Variants in LRRC4C observed in about 807,000 individuals in gnomAD.
The protein encoded by LRRC4C is leucine-rich repeat-containing protein 4C.
Under a neutral mutation model 33.6 loss-of-function variants are expected in LRRC4C, and 5 were observed. The ratio of observed to expected loss-of-function variants is 0.15; its 90% CI spans 0.08 to 0.31. LRRC4C has a LOEUF of 0.31. LRRC4C is among the 10% of genes least tolerant of loss of function. The pLI, the probability that LRRC4C is intolerant of heterozygous loss-of-function variation, is 1.00. For synonymous variants in LRRC4C, 329 were observed against 302.0 expected, an observed-to-expected ratio of 1.09 and a Z score of -0.93; for missense variants, 560 against 796.7, an observed-to-expected ratio of 0.70 and a Z score of 3.58.
chr11:40,177,600 T>C (rs1264735301), intron 5 of LRRC4C, among the ~76,000 whole-genome samples: 1 of 152,184 alleles, frequency 6.6e-6, no homozygotes, highest in Non-Finnish European at 1.5e-5. Context: ...GTCTCGTCTC[T>C]TTCTGACCTT....
rs11419487 is a variant in LRRC4C, at chr11:41,443,781, A to ATTT, written c.-496+15647_-496+15649dup. On this transcript the variant is annotated intron_variant, in intron 1 of 6. Transcript: ENST00000528697. ...CAGGTGCCCACCACCACACCTAGCT[A>ATTT]TTTTTTTTTTTTTTTTTTTTTAGCA... Among the ~76,000 whole-genome samples, 43 of 115,128 alleles carry ATTT rather than the reference A, an allele frequency of 3.7e-4. 1 individual carries two copies. Among genetic ancestry groups the ATTT allele is most frequent in the African/African-American group, 8.3e-4 (25 of 30,008 alleles). The allele number at this position is 115,128 out of a possible 152,430, so 75.5% of individuals were successfully genotyped here.
chr11:41,269,440 G>A (rs1459505927), intron 1 of LRRC4C, among the ~76,000 whole-genome samples: 2 of 151,960 alleles, frequency 1.3e-5, no homozygotes, highest in African/African-American at 4.8e-5. Flanking sequence ...AAAAAGGACA[G>A]AGAGAGAGAA....
chr11:40,181,214 T>C (rs1860972756), intron 5 of LRRC4C, among the ~76,000 whole-genome samples: 2 of 152,198 alleles, frequency 1.3e-5, no homozygotes, highest in Non-Finnish European at 2.9e-5. Context: ...CATCTCTCCA[T>C]GTCTCCCTCC....
At chr11:41,049,963 C>T (rs6485245) in intron 1 of LRRC4C, among the ~76,000 whole-genome samples, 53,354 of 152,000 alleles carry the variant, frequency 0.35, 10,610 homozygotes, top group South Asian at 0.45. Flanking sequence ...TCCAATGACT[C>T]ATAAGAGCAT....
chr11:40,354,685 T>C (rs1441445974), intron 3 of LRRC4C, among the ~76,000 whole-genome samples: 2 of 152,126 alleles, frequency 1.3e-5, no homozygotes, highest in Non-Finnish European at 2.9e-5. Context: ...GGCTCTTTAA[T>C]CAGCTTGTCA....
intron 4 of LRRC4C, among the ~76,000 whole-genome samples, chr11:40,307,015 TA>T (rs112698734): frequency 1.8e-5 from 2 of 113,660 alleles, no homozygotes; most frequent in Admixed American, 1.9e-4. Flanking sequence ...TCTATCTATC[TA>T]ATATCTATCT....
At chr11:40,726,183 C>G (rs550859645) in intron 2 of LRRC4C, among the ~76,000 whole-genome samples, 1 of 150,672 alleles carries the variant, frequency 6.6e-6, no homozygotes, top group South Asian at 2.1e-4. Context: ...AAAAAAAATT[C>G]CTGGACCATG....
At chr11:40,875,380 A>C (rs2135971077) in intron 2 of LRRC4C, among the ~76,000 whole-genome samples, 1 of 152,306 alleles carries the variant, frequency 6.6e-6, no homozygotes, top group Non-Finnish European at 1.5e-5. Flanking sequence ...ATGTTGTAAT[A>C]ATCTTTTCAG....
At chr11:41,208,133 C>A (rs1344939385) in intron 1 of LRRC4C, among the ~76,000 whole-genome samples, 1 of 152,010 alleles carries the variant, frequency 6.6e-6, no homozygotes, top group Non-Finnish European at 1.5e-5. Flanking sequence ...TCTGGGAGGT[C>A]TCAGACACAA....
At chr11:40,351,524 C>G (rs1231910210) in intron 3 of LRRC4C, 1 of 147,968 alleles carries the variant, frequency 6.8e-6, no homozygotes, top group Non-Finnish European at 1.5e-5. Context: ...TATTGTTGTA[C>G]CGAGGTCTGT....
chr11:41,123,473 C>T (rs992499888), intron 1 of LRRC4C, among the ~76,000 whole-genome samples: 1 of 150,434 alleles, frequency 6.6e-6, no homozygotes. Context: ...GGGGTTTCAC[C>T]GTTTTAGCCG....
intron 1 of LRRC4C, among the ~76,000 whole-genome samples, chr11:41,325,571 T>TG (rs1555147284): frequency 1.1e-4 from 9 of 84,614 alleles, no homozygotes; most frequent in Non-Finnish European, 1.5e-4. Context: ...TTATAGTTTT[T>TG]TTTTTTTGTG....
rs575365949 is a variant in LRRC4C at position 40,330,118 on chromosome 11, C to T, written c.-269-10397G>A. On this transcript the variant is annotated intron_variant, in intron 3 of 6. Transcript: ENST00000528697. ...TACCAGTCGGGTGTTAAATTAATGA[C>T]GAAGAGGTAGTCAAATTATGAATCT... Among the ~76,000 whole-genome samples the T allele has an allele frequency of 1.6e-4, 24 of 152,104 alleles. No homozygotes were observed. The South Asian group carries it at 2.9e-3, about 18-fold the overall frequency.
chr11:40,316,123 A>G (rs1268932058), intron 4 of LRRC4C, among the ~76,000 whole-genome samples: 1 of 152,050 alleles, frequency 6.6e-6, no homozygotes, highest in Non-Finnish European at 1.5e-5. Flanking sequence ...ATCAAAAAAA[A>G]TCCCACAGAT....
chr11:40,778,744 G>A (rs1344762323), intron 2 of LRRC4C, among the ~76,000 whole-genome samples: 1 of 152,082 alleles, frequency 6.6e-6, no homozygotes, highest in African/African-American at 2.4e-5. Flanking sequence ...GTAAATGTGT[G>A]GCAGAAATGT....
At chr11:40,943,207 C>T (rs554515326) in intron 1 of LRRC4C, among the ~76,000 whole-genome samples, 65 of 152,272 alleles carry the variant, frequency 4.3e-4, no homozygotes, top group African/African-American at 1.4e-3. Context: ...AGGCTAGGTA[C>T]TGTTAGGTGA....
intron 3 of LRRC4C, among the ~76,000 whole-genome samples, chr11:40,555,127 T>C (rs187779291): frequency 2.6e-5 from 4 of 152,330 alleles, no homozygotes; most frequent in Admixed American, 1.3e-4. Flanking sequence ...TGAAGTTGTT[T>C]ATCAGGTCCA....
intron 3 of LRRC4C, among the ~76,000 whole-genome samples, chr11:40,374,485 C>T (rs2082434228): frequency 1.3e-5 from 2 of 152,122 alleles, no homozygotes; most frequent in South Asian, 2.1e-4. Context: ...ATGTTAATAT[C>T]TATTGTCTAT....
chr11:40,187,695 C>A (rs1184693574), intron 5 of LRRC4C, among the ~76,000 whole-genome samples: 1 of 152,158 alleles, frequency 6.6e-6, no homozygotes, highest in Non-Finnish European at 1.5e-5. Flanking sequence ...CCTTTGCCCT[C>A]CCAGCAATAC....
Sources: gnomAD v4.1 joint callset for allele counts (sites outside exome capture counted in the v4.1 genomes callset) on GRCh38, gnomAD v4.1.1 for gene constraint, MANE v1.5 for transcripts, NCBI Gene and HGNC (gene_info 2026-07-23, HGNC 2026-07-21) for gene names.